SLC17A1: variants seen among roughly 807,000 people sequenced by gnomAD.
The protein encoded by SLC17A1 is sodium-dependent phosphate transport protein 1.
A neutral mutation model predicts 53.5 loss-of-function variants in SLC17A1; 51 were observed. That is an observed-to-expected ratio of 0.95 (90% CI 0.76 to 1.20). The LOEUF (loss-of-function observed/expected upper bound fraction) is 1.20. Among genes scored for constraint, SLC17A1 ranks in the 50% most tolerant of loss-of-function variants. SLC17A1 has a pLI of 0.00. For missense variants in SLC17A1, 538 were observed against 568.2 expected (o/e 0.95, Z 0.54); for synonymous variants, 179 against 198.8 (o/e 0.90, Z 0.84).
chr6:25,799,229 T>C lies in SLC17A1; in HGVS notation c.1270-310A>G, dbSNP rs1264122041. ...AAGTTTTCTGCATCTTTTCAAGGTA[T>C]CTTATGTAGCTGACATATTATTGTA... On this transcript the variant is annotated intron_variant, in intron 11 of 12. Transcript: ENST00000244527. Among the ~76,000 whole-genome samples the C allele has an allele frequency of 3.3e-5, 5 of 152,324 alleles. No homozygotes were observed. In the South Asian group the frequency reaches 8.3e-4, roughly 25 times the overall value.
intron 12 of SLC17A1, among the ~76,000 whole-genome samples, chr6:25,787,825 A>C (rs921509753): frequency 1.3e-5 from 2 of 152,060 alleles, no homozygotes; most frequent in African/African-American, 4.8e-5. Context: ...CAGTAACCTC[A>C]GTTTTCTAGC....
At chr6:25,746,903 T>C in the SLC17A1 span, among the ~76,000 whole-genome samples, 1 of 152,230 alleles carries the variant, frequency 6.6e-6, no homozygotes, top group South Asian at 2.1e-4. Flanking sequence ...CAACTTCTTT[T>C]AGTCACAAAG....
At chr6:25,806,134 T>G (rs1402735532) in intron 10 of SLC17A1, among the ~76,000 whole-genome samples, 2 of 151,846 alleles carry the variant, frequency 1.3e-5, no homozygotes, top group Non-Finnish European at 2.9e-5. Flanking sequence ...TCCACAAAAT[T>G]CTAGCTAACC....
chr6:25,724,114 G>A, the SLC17A1 span, among the ~76,000 whole-genome samples: 1 of 152,164 alleles, frequency 6.6e-6, no homozygotes, highest in Non-Finnish European at 1.5e-5. Context: ...TCTATGAAAC[G>A]TGTGAAAGTT....
chr6:25,769,188 A>G, the SLC17A1 span: 1 of 1,613,440 alleles, frequency 6.2e-7, no homozygotes, highest in Non-Finnish European at 8.5e-7. Flanking sequence ...ATTTAAAGCA[A>G]TGGTAAGTTT....
chr6:25,797,814 G>T lies in SLC17A1; in HGVS notation c.*2+969C>A, dbSNP rs573853940. ...GGGGTTTCACCATCTTGGCCAGGCT[G>T]GTCTTGAACTCCTGACCTCATGATC... On this transcript the variant is annotated intron_variant, in intron 12 of 12. Coordinates refer to ENST00000244527, the MANE Select transcript of SLC17A1 (RefSeq NM_005074.5). Among the ~76,000 whole-genome samples, 13 of 152,040 alleles carry T rather than the reference G, an allele frequency of 8.6e-5. No individual in the cohort carries two copies. The East Asian group carries it at 2.5e-3, about 29-fold the overall frequency.
At chr6:25,824,404 T>C (rs1020482051) in intron 3 of SLC17A1, among the ~76,000 whole-genome samples, 2 of 151,676 alleles carry the variant, frequency 1.3e-5, no homozygotes, top group East Asian at 3.8e-4. Context: ...AAAAAATAAA[T>C]AAATAAACAA....
At chr6:25,765,854 GA>G in the SLC17A1 span, among the ~76,000 whole-genome samples, 1 of 152,018 alleles carries the variant, frequency 6.6e-6, no homozygotes, top group South Asian at 2.1e-4. Context: ...CTCAAATCAT[GA>G]AAAAATTGGA....
chr6:25,831,253 C>G (rs1764936808), intron 1 of SLC17A1, among the ~76,000 whole-genome samples: 1 of 152,134 alleles, frequency 6.6e-6, no homozygotes, highest in Admixed American at 6.5e-5. Context: ...CAGGCAACCC[C>G]TTACCATCAG....
chr6:25,805,827 G>T (rs541304349), intron 10 of SLC17A1, among the ~76,000 whole-genome samples: 4 of 151,940 alleles, frequency 2.6e-5, no homozygotes, highest in Non-Finnish European at 5.9e-5. Context: ...GGAAAAAATA[G>T]AAACCCTGAA....
At position 25,824,935 on chromosome 6, in the gene SLC17A1, C is replaced by T. The variant is rs1764690048; in HGVS notation, c.207+1526G>A. Among the ~76,000 whole-genome samples the T allele has an allele frequency of 2.6e-5, 4 of 151,948 alleles. No individual in the cohort carries two copies. In the South Asian group the frequency reaches 6.2e-4, roughly 24 times the overall value. On this transcript the variant is annotated intron_variant, in intron 3 of 12. Coordinates refer to ENST00000244527, the MANE Select transcript of SLC17A1 (RefSeq NM_005074.5). ...TAGAATCATTTGTTTTTGGATAATTCACTCTTTTTATCATTGGGTAATGCC... is the reference window on the plus strand; with the variant it reads ...TAGAATCATTTGTTTTTGGATAATTTACTCTTTTTATCATTGGGTAATGCC...
chr6:25,742,200 T>C, the SLC17A1 span, among the ~76,000 whole-genome samples: 1 of 152,204 alleles, frequency 6.6e-6, no homozygotes, highest in African/African-American at 2.4e-5. Context: ...AGCCAACCAA[T>C]CAGTGTTCAG....
the SLC17A1 span, among the ~76,000 whole-genome samples, chr6:25,757,542 C>T: frequency 6.6e-6 from 1 of 152,112 alleles, no homozygotes; most frequent in Non-Finnish European, 1.5e-5. Flanking sequence ...AGTATACCTT[C>T]TTTCCCCTGC....
intron 10 of SLC17A1, among the ~76,000 whole-genome samples, chr6:25,810,850 C>A (rs1227745166): frequency 6.6e-6 from 1 of 152,104 alleles, no homozygotes; most frequent in Non-Finnish European, 1.5e-5. Context: ...ATAGGATCAA[C>A]CTAAGTGTCC....
the SLC17A1 span, chr6:25,727,001 C>A: frequency 4.3e-6 from 7 of 1,614,042 alleles, no homozygotes; most frequent in African/African-American, 8.0e-5. Context: ...GCAAAAAGCG[C>A]AAGAGGACCC....
chr6:25,779,670 G>C (rs1004011611), downstream of SLC17A1: 2 of 153,798 alleles, frequency 1.3e-5, no homozygotes, highest in African/African-American at 4.8e-5. Flanking sequence ...AGGAATGAAC[G>C]TGTCTGCAAC....
At chr6:25,818,377 CG>C (rs1313833077) in intron 6 of SLC17A1, among the ~76,000 whole-genome samples, 3 of 152,174 alleles carry the variant, frequency 2.0e-5, no homozygotes, top group African/African-American at 7.2e-5. Flanking sequence ...GCTCCTGTAT[CG>C]CTAGCCCCAG....
chr6:25,759,664 C>A, the SLC17A1 span, among the ~76,000 whole-genome samples: 1 of 152,072 alleles, frequency 6.6e-6, no homozygotes, highest in Non-Finnish European at 1.5e-5. Context: ...AAAAACAAAA[C>A]AAAAACAAAC....
At chr6:25,785,896 C>T (rs1763372117) in intron 12 of SLC17A1, among the ~76,000 whole-genome samples, 1 of 152,146 alleles carries the variant, frequency 6.6e-6, no homozygotes, top group South Asian at 2.1e-4. Context: ...TAGTCTGATG[C>T]TGTGGAGAAG....
Sources: gnomAD v4.1 joint callset for allele counts (sites outside exome capture counted in the v4.1 genomes callset) on GRCh38, gnomAD v4.1.1 for gene constraint, MANE v1.5 for transcripts, NCBI Gene and HGNC (gene_info 2026-07-23, HGNC 2026-07-21) for gene names.